The following ARHGAP8 variants were observed in gnomAD, a reference collection of about 807,000 sequenced individuals.
ARHGAP8 encodes the protein Rho GTPase activating protein 8.
A neutral mutation model predicts 46.1 loss-of-function variants in ARHGAP8; 62 were observed. That is an observed-to-expected ratio of 1.34 (90% CI 1.10 to 1.66). The LOEUF is 1.66. ARHGAP8 is among the 40% of genes most tolerant of loss of function. ARHGAP8 has a pLI of 0.00. For synonymous variants in ARHGAP8, 375 were observed against 243.1 expected, an observed-to-expected ratio of 1.54 and a Z score of -5.05; for missense variants, 923 against 568.4, an observed-to-expected ratio of 1.62 and a Z score of -6.34.
intron 1 of ARHGAP8, among the ~76,000 whole-genome samples, chr22:44,767,872 CAAA>C (rs35120042): frequency 3.8e-5 from 4 of 104,284 alleles, no homozygotes; most frequent in Non-Finnish European, 3.8e-5. Context: ...GACCCCATCT[CAAA>C]AAAAAAAAAA....
intron 2 of ARHGAP8, among the ~76,000 whole-genome samples, chr22:44,787,943 C>T (rs897346050): frequency 0.2 from 24,795 of 125,250 alleles, 2,787 homozygotes; most frequent in Non-Finnish European, 0.27. Context: ...TTTTTTTTCC[C>T]CCCAAATGTC....
chr22:44,826,926 A>G (rs2285115), intron 7 of ARHGAP8, among the ~76,000 whole-genome samples: 32,058 of 152,142 alleles, frequency 0.21, 4,614 homozygotes, highest in East Asian at 0.74. Context: ...GGAGGAGCTC[A>G]GGGAGGCCAG....
At chr22:44,753,471 T>C (rs35447449) in intron 1 of ARHGAP8, among the ~76,000 whole-genome samples, 28,783 of 151,840 alleles carry the variant, frequency 0.19, 2,990 homozygotes, top group South Asian at 0.39. Context: ...TCCGTCTTCC[T>C]GGGCCTCCCA....
intron 7 of ARHGAP8, among the ~76,000 whole-genome samples, chr22:44,839,597 C>G (rs2285118): frequency 0.062 from 9,463 of 152,288 alleles, 757 homozygotes; most frequent in East Asian, 0.42. Flanking sequence ...TGTGCCACCT[C>G]TCAATTGTGG....
At chr22:44,860,240 C>T (rs945795461) in intron 11 of ARHGAP8, among the ~76,000 whole-genome samples, 22 of 151,736 alleles carry the variant, frequency 1.4e-4, no homozygotes, top group African/African-American at 4.9e-4. Context: ...GAACCACGTA[C>T]ATTAAGTTCC....
At chr22:44,844,893 C>T (rs1216398042) in intron 7 of ARHGAP8, among the ~76,000 whole-genome samples, 1 of 152,172 alleles carries the variant, frequency 6.6e-6, no homozygotes, top group African/African-American at 2.4e-5. Flanking sequence ...CACAGCCAAG[C>T]CATCTCATAC....
chr22:44,855,529 G>C (rs551813269), intron 10 of ARHGAP8, among the ~76,000 whole-genome samples: 1 of 152,300 alleles, frequency 6.6e-6, no homozygotes, highest in South Asian at 2.1e-4. Context: ...TGTTGAGGGT[G>C]AAAGTTGTTA....
intron 3 of ARHGAP8, among the ~76,000 whole-genome samples, chr22:44,807,241 C>A (rs533971250): frequency 6.6e-6 from 1 of 152,182 alleles, no homozygotes; most frequent in Non-Finnish European, 1.5e-5. Flanking sequence ...TCAGGCCCTG[C>A]AGAGTGCTGG....
chr22:44,763,719 G>A (rs1196661541), intron 1 of ARHGAP8, among the ~76,000 whole-genome samples: 2 of 151,708 alleles, frequency 1.3e-5, no homozygotes, highest in African/African-American at 4.8e-5. Flanking sequence ...AGAAGGGGAG[G>A]AAGGGAGAGA....
chr22:44,861,204 T>C (rs1200713401), intron 11 of ARHGAP8, among the ~76,000 whole-genome samples: 1 of 152,148 alleles, frequency 6.6e-6, no homozygotes, highest in Non-Finnish European at 1.5e-5. Context: ...ACTCCTGACC[T>C]CAGGTGATCC....
intron 8 of ARHGAP8, 87 bp from the exon 9 acceptor site, chr22:44,847,886 A>G: frequency 6.5e-7 from 1 of 1,533,438 alleles, no homozygotes. Flanking sequence ...CAGGTGGGTG[A>G]TGCCGTGGGC....
At chr22:44,834,434 G>T (rs1247397256) in intron 7 of ARHGAP8, among the ~76,000 whole-genome samples, 5 of 151,714 alleles carry the variant, frequency 3.3e-5, no homozygotes, top group Non-Finnish European at 5.9e-5. Context: ...ATCTGTTTTT[G>T]ATTTTTAATT....
chr22:44,840,658 T>C (rs1931589396), intron 7 of ARHGAP8, among the ~76,000 whole-genome samples: 1 of 151,826 alleles, frequency 6.6e-6, no homozygotes, highest in Non-Finnish European at 1.5e-5. Context: ...TGTTCAGCTG[T>C]GACGTGGACC....
intron 7 of ARHGAP8, among the ~76,000 whole-genome samples, chr22:44,827,273 G>A (rs1404453889): frequency 6.7e-6 from 1 of 149,292 alleles, no homozygotes; most frequent in Non-Finnish European, 1.5e-5. Flanking sequence ...AACACAGTCA[G>A]GTCAACCCCT....
intron 3 of ARHGAP8, among the ~76,000 whole-genome samples, chr22:44,805,595 C>T (rs1044247963): frequency 1.3e-5 from 2 of 152,310 alleles, no homozygotes; most frequent in African/African-American, 2.4e-5. Flanking sequence ...ATAGGTTGTT[C>T]ACAGCACAAG....
chr22:44,861,922 C>T (rs1466277173), intron 11 of ARHGAP8, among the ~76,000 whole-genome samples: 1 of 152,152 alleles, frequency 6.6e-6, no homozygotes, highest in African/African-American at 2.4e-5. Flanking sequence ...ACTCACAGAG[C>T]CGAGGCCAGA....
intron 1 of ARHGAP8, among the ~76,000 whole-genome samples, chr22:44,778,215 T>C (rs1926567088): frequency 6.6e-6 from 1 of 152,004 alleles, no homozygotes; most frequent in Non-Finnish European, 1.5e-5. Context: ...CAAAGTCCAT[T>C]GTGTTTTTCT....
chr22:44,753,942 G>T (rs974468262), intron 1 of ARHGAP8, among the ~76,000 whole-genome samples: 10 of 152,158 alleles, frequency 6.6e-5, no homozygotes, highest in Non-Finnish European at 1.5e-4. Context: ...CCTCTCTGTT[G>T]GCAGCTTTAG....
intron 7 of ARHGAP8, among the ~76,000 whole-genome samples, chr22:44,833,344 GTGGTTGGTTGGT>G (rs150439071): frequency 6.6e-6 from 1 of 151,808 alleles, no homozygotes; most frequent in African/African-American, 2.4e-5. Context: ...AGTTTGTTGA[GTGGTTGGTTGGT>G]TGGTTGGTTG....
Sources: gnomAD v4.1 joint callset for allele counts (sites outside exome capture counted in the v4.1 genomes callset) on GRCh38, gnomAD v4.1.1 for gene constraint, MANE v1.5 for transcripts, NCBI Gene and HGNC (gene_info 2026-07-23, HGNC 2026-07-21) for gene names.